The following CMTM6 variants were observed in gnomAD, a reference collection of about 807,000 sequenced individuals.
CMTM6 encodes the protein CKLF like MARVEL transmembrane domain containing 6, also known as CKLF-like MARVEL transmembrane domain-containing protein 6.
Under a neutral mutation model 13.6 loss-of-function variants are expected in CMTM6, and 5 were observed. The observed-to-expected ratio is 0.37, with a 90% confidence interval of 0.19 to 0.77. The LOEUF (loss-of-function observed/expected upper bound fraction) is 0.77. Among genes scored for constraint, CMTM6 ranks in the 30% least tolerant of loss-of-function variants. The pLI, the probability that CMTM6 is intolerant of heterozygous loss-of-function variation, is 0.50. For missense variants in CMTM6, 196 were observed against 218.6 expected (o/e 0.90, Z 0.65); for synonymous variants, 99 against 84.5 (o/e 1.17, Z -0.94).
At chr3:32,487,265 G>T (rs1246538567) in intron 3 of CMTM6, among the ~76,000 whole-genome samples, 1 of 152,102 alleles carries the variant, frequency 6.6e-6, no homozygotes, top group African/African-American at 2.4e-5. Flanking sequence ...CACTATCTCT[G>T]CCTCATACTC....
rs556719622 is a variant in CMTM6, at chr3:32,502,716, A to G, written c.30T>C (p.Thr10=). 2.4e-5 allele frequency: 38 copies of G among 1,577,570 alleles called. No individual in the cohort carries two copies. The African/African-American group carries it at 3.3e-4, about 14-fold the overall frequency. ...TGGCGGGGCCCGGGTCCTCCTCCGTAGTGGGGCTGTACACCGCTCCGTTCT... is the reference window on the plus strand; with the variant it reads ...TGGCGGGGCCCGGGTCCTCCTCCGTGGTGGGGCTGTACACCGCTCCGTTCT... MENGAVYSP[T]TEEDPGPARG... is the part of the protein sequence containing the mutation. Residue 10 remains threonine, a synonymous_variant, in exon 1 of 4, where the codon ACT becomes ACC. Coordinates refer to ENST00000205636, the MANE Select transcript of CMTM6 (RefSeq NM_017801.3).
At chr3:32,490,357 T>A (rs531933355) in intron 2 of CMTM6, among the ~76,000 whole-genome samples, 14 of 152,170 alleles carry the variant, frequency 9.2e-5, no homozygotes, top group South Asian at 2.1e-4. Context: ...AACCTAAGTG[T>A]ATTAATATGC....
Position 32,491,884 on chromosome 3 carries a change from C to T in CMTM6, c.141G>A (p.Leu47=). The T allele has an allele frequency of 1.2e-6, 2 of 1,601,344 alleles. No individual in the cohort carries two copies. Among genetic ancestry groups the T allele is most frequent in the Non-Finnish European group, 1.7e-6 (2 of 1,175,790 alleles). The change falls in exon 2 of 4, where the codon TTG becomes TTA. Residue 47 remains leucine, a splice_region_variant and synonymous_variant. Coordinates refer to ENST00000205636, the MANE Select transcript of CMTM6 (RefSeq NM_017801.3). ...CACAGATGAAGGCCAGCAGAGACAG[C>T]AACTACAAATGAAGCAAAACATTTT... is the stretch of plus-strand genomic sequence containing the variant. ...LRRVLKGLQL[L]LSLLAFICEE...
chr3:32,494,506 T>C (rs529864512), intron 1 of CMTM6, among the ~76,000 whole-genome samples: 4 of 152,136 alleles, frequency 2.6e-5, no homozygotes, highest in African/African-American at 9.7e-5. Context: ...GACCCAGAAA[T>C]AGAACTCTTG....
intron 3 of CMTM6, chr3:32,487,706 G>C (rs1016218201): frequency 7.9e-6 from 3 of 381,580 alleles, no homozygotes; most frequent in Non-Finnish European, 1.4e-5. Flanking sequence ...ATAACACACG[G>C]TATGTGGAGT....
chr3:32,498,969 C>T (rs1697319077), intron 1 of CMTM6, among the ~76,000 whole-genome samples: 2 of 152,072 alleles, frequency 1.3e-5, no homozygotes, highest in South Asian at 4.1e-4. Context: ...CAGTCTACTA[C>T]TTATATTTTA....
At chr3:32,486,589 G>A (rs909335539) in intron 3 of CMTM6, among the ~76,000 whole-genome samples, 2 of 152,184 alleles carry the variant, frequency 1.3e-5, no homozygotes, top group African/African-American at 4.8e-5. Context: ...AAAAAATTCT[G>A]GCCCCAAGAA....
Position 32,482,470 on chromosome 3 carries a change from A to T in CMTM6, c.*1490T>A, listed in dbSNP as rs1234261626. Reference sequence around the variant, plus strand: ...CCCTGGGAGACTTCCACCAAAGTGCAGAAGGACCTGATGCACGGGCTCATC... The same window carrying T: ...CCCTGGGAGACTTCCACCAAAGTGCTGAAGGACCTGATGCACGGGCTCATC... On this transcript the variant is annotated 3_prime_UTR_variant, in exon 4 of 4. Coordinates refer to ENST00000205636, the MANE Select transcript of CMTM6 (RefSeq NM_017801.3). 1 of 152,144 alleles carries T rather than the reference A, an allele frequency of 6.6e-6. No homozygotes were observed. The allele number at this position is 152,144 out of a possible 1,614,324, so 9.4% of individuals were successfully genotyped here. A position where few individuals can be genotyped will look rare whatever the true frequency, so the allele number is the denominator to read the frequency against.
At chr3:32,498,922 G>A (rs1697318632) in intron 1 of CMTM6, among the ~76,000 whole-genome samples, 1 of 151,656 alleles carries the variant, frequency 6.6e-6, no homozygotes, top group Admixed American at 6.6e-5. Flanking sequence ...TCCTTAAAAC[G>A]GTCACTATAT....
At chr3:32,486,943 G>A (rs1036261543) in intron 3 of CMTM6, among the ~76,000 whole-genome samples, 1 of 152,170 alleles carries the variant, frequency 6.6e-6, no homozygotes, top group African/African-American at 2.4e-5. Flanking sequence ...TGCCATGACT[G>A]TAAATTTCCT....
chr3:32,499,492 C>T (rs1167254498), intron 1 of CMTM6, among the ~76,000 whole-genome samples: 1 of 152,204 alleles, frequency 6.6e-6, no homozygotes, highest in Non-Finnish European at 1.5e-5. Flanking sequence ...TAGGTCACTG[C>T]ACCAGCGTAT....
Position 32,487,947 on chromosome 3 carries a change from A to C in CMTM6, c.405T>G (p.Ile135Met), listed in dbSNP as rs566650074. ...AATACAAGGTACTTACAATTGCAGC[A>C]ATCTCAGCTGAAGTCCTGTCATGTG... Reference protein sequence around the residue: ...VSTHDRTSAEIAAIVFGFIAS... With the variant: ...VSTHDRTSAEMAAIVFGFIAS... The change falls in exon 3 of 4, where the codon ATT (isoleucine) becomes ATG (methionine). Residue 135 changes from isoleucine to methionine, a missense_variant. By Grantham distance (10) the Ile-to-Met change is conservative (BLOSUM62 1). This residue lies in a region of CMTM6 where 111 missense variants were observed against 160.0 expected (regional missense o/e 0.69). Coordinates refer to ENST00000205636, the MANE Select transcript of CMTM6 (RefSeq NM_017801.3). The C allele has an allele frequency of 4.0e-5, 64 of 1,610,300 alleles. 1 individual carries two copies. In the South Asian group the frequency reaches 6.8e-4, roughly 17 times the overall value.
chr3:32,500,548 A>G (rs1335721949), intron 1 of CMTM6, among the ~76,000 whole-genome samples: 1 of 152,250 alleles, frequency 6.6e-6, no homozygotes, highest in East Asian at 1.9e-4. Flanking sequence ...GATTTCATAA[A>G]GAGATATTAG....
chr3:32,491,024 T>C (rs555583364), intron 2 of CMTM6, among the ~76,000 whole-genome samples: 61 of 152,348 alleles, frequency 4.0e-4, no homozygotes, highest in African/African-American at 1.5e-3. Context: ...CCTCTTAATA[T>C]ATATTTCATA....
In CMTM6 at chr3:32,483,798, T is replaced by C; in HGVS notation, c.*162A>G. The C allele has an allele frequency of 1.6e-6, 1 of 631,732 alleles. No individual in the cohort carries two copies. Among genetic ancestry groups the C allele is most frequent in the Non-Finnish European group, 2.4e-6 (1 of 419,028 alleles). The allele number at this position is 631,732 out of a possible 1,614,324, so 39.1% of individuals were successfully genotyped here. On this transcript the variant is annotated 3_prime_UTR_variant, in exon 4 of 4. Coordinates refer to ENST00000205636, the MANE Select transcript of CMTM6 (RefSeq NM_017801.3). The stretch of plus-strand genomic sequence containing the variant: ...TTTTTAACTTATCTGGCCTACTTTG[T>C]GGTGACTGACACAATATTGATAAAA...
At chr3:32,498,597 C>CTTTTTTTTTTTTTTTTTTTTTTTTTT (rs58720077) in intron 1 of CMTM6, among the ~76,000 whole-genome samples, 2 of 127,084 alleles carry the variant, frequency 1.6e-5, no homozygotes, top group African/African-American at 3.1e-5. Context: ...ACTACCCCTT[C>CTTTTTTTTTTTTTTTTTTTTTTTTTT]TTTTTTTTTT....
chr3:32,489,983 CTTA>C (rs1449936575), intron 2 of CMTM6, among the ~76,000 whole-genome samples: 9 of 152,168 alleles, frequency 5.9e-5, no homozygotes, highest in Non-Finnish European at 1.3e-4. Flanking sequence ...GACATTCTCT[CTTA>C]AAAAATATTA....
At chr3:32,489,964 G>A (rs1697237031) in intron 2 of CMTM6, among the ~76,000 whole-genome samples, 1 of 152,164 alleles carries the variant, frequency 6.6e-6, no homozygotes, top group South Asian at 2.1e-4. Flanking sequence ...GCAATAGCAT[G>A]GGATAGAAGA....
chr3:32,496,733 C>T (rs1002268122), intron 1 of CMTM6, among the ~76,000 whole-genome samples: 4 of 152,054 alleles, frequency 2.6e-5, no homozygotes, highest in African/African-American at 7.2e-5. Flanking sequence ...GAGACACAAA[C>T]AGAACCTGGA....
Sources: allele counts gnomAD v4.1 joint callset (sites outside exome capture counted in the v4.1 genomes callset), GRCh38; gene constraint gnomAD v4.1.1; regional missense constraint gnomAD v4.1.1; transcripts MANE v1.5; gene names NCBI Gene and HGNC (gene_info 2026-07-23, HGNC 2026-07-21).